The following PIK3C3 variants were observed in gnomAD, a reference collection of about 807,000 sequenced individuals.
The protein encoded by PIK3C3 is phosphatidylinositol 3-kinase catalytic subunit type 3, also known as PI3-kinase type 3.
In PIK3C3, 95 loss-of-function variants were observed where a neutral mutation model predicts 126.1. That is an observed-to-expected ratio of 0.75 (90% CI 0.64 to 0.89). PIK3C3 has a LOEUF of 0.89. PIK3C3 is among the 40% of genes least tolerant of loss of function. The pLI is 0.00. For missense variants in PIK3C3, 829 were observed against 1,063.2 expected (o/e 0.78, Z 3.06); for synonymous variants, 374 against 360.0 (o/e 1.04, Z -0.44).
chr18:42,055,841 G>T (rs1454519521), intron 21 of PIK3C3, among the ~76,000 whole-genome samples: 1 of 148,794 alleles, frequency 6.7e-6, no homozygotes, highest in Non-Finnish European at 1.5e-5. Context: ...CTGTCAAAGA[G>T]AATAGTGTAT....
chr18:42,074,835 T>C (rs534680531), intron 24 of PIK3C3, among the ~76,000 whole-genome samples: 19 of 152,244 alleles, frequency 1.2e-4, no homozygotes, highest in Admixed American at 1.2e-3. Context: ...TTGAAGCTCT[T>C]TACCCTTTCA....
At position 42,037,727 on chromosome 18, in the gene PIK3C3, G is replaced by A. The variant is rs145164124; in HGVS notation, c.1875G>A (p.Thr625=). 1.0e-4 allele frequency: 161 copies of A among 1,611,020 alleles called. No individual in the cohort carries two copies. The African/African-American group carries it at 1.6e-3, about 16-fold the overall frequency. The stretch of plus-strand genomic sequence containing the variant: ...TGCCTGCACAGTTGTTTTTTAAGAC[G>A]GAAGATGGAGGCAAATATCCAGTTA... The part of the protein sequence containing the change: ...ALMPAQLFFK[T]EDGGKYPVIF... Residue 625 remains threonine (T), a synonymous_variant, in exon 17 of 25, where the codon ACG becomes ACA. Transcript: ENST00000262039.
intron 22 of PIK3C3, among the ~76,000 whole-genome samples, chr18:42,060,832 A>G (rs571182094): frequency 1.3e-5 from 2 of 152,256 alleles, no homozygotes; most frequent in South Asian, 2.1e-4. Context: ...AGGTTCTCAT[A>G]TTGTCTCAGA....
intron 3 of PIK3C3, among the ~76,000 whole-genome samples, chr18:41,963,302 T>C (rs1161143079): frequency 6.6e-6 from 1 of 152,210 alleles, no homozygotes; most frequent in African/African-American, 2.4e-5. Context: ...TTTCTTTCCC[T>C]TTACCGATTT....
chr18:42,014,207 CAAAAAAAAAAAAAA>C (rs58086258), intron 11 of PIK3C3, among the ~76,000 whole-genome samples: 1 of 40,996 alleles, frequency 2.4e-5, no homozygotes, highest in African/African-American at 8.9e-5. Flanking sequence ...GACTCCGTCT[CAAAAAAAAAAAAAA>C]AAAAAAAAAA....
At chr18:41,991,554 A>T (rs1981779420) in intron 6 of PIK3C3, among the ~76,000 whole-genome samples, 1 of 152,182 alleles carries the variant, frequency 6.6e-6, no homozygotes, top group South Asian at 2.1e-4. Context: ...CATTAGAAGC[A>T]GTCCTTTTAA....
In PIK3C3 at chr18:42,033,964, G is replaced by T. The variant is rs1441567201; in HGVS notation, c.1839+7G>T. 6.3e-7 allele frequency: 1 copy of T among 1,577,816 alleles called. No individual in the cohort carries two copies. Among genetic ancestry groups the T allele is most frequent in the Admixed American group, 1.9e-5 (1 of 53,132 alleles). On this transcript the variant is annotated splice_region_variant and intron_variant, in intron 16 of 24. Transcript: ENST00000262039. ...AACAGCTACACTGTTTAAAGTAATT[G>T]TGATGGATATTTAATGTGTATGATT...
At chr18:41,976,040 C>T (rs1027334587) in intron 4 of PIK3C3, among the ~76,000 whole-genome samples, 2 of 152,124 alleles carry the variant, frequency 1.3e-5, no homozygotes, top group Non-Finnish European at 2.9e-5. Context: ...TTTAAATTTA[C>T]TTGAATATGC....
chr18:41,990,737 A>G (rs1981734059), intron 6 of PIK3C3, 183 bp downstream of exon 6: 4 of 519,792 alleles, frequency 7.7e-6, no homozygotes, highest in South Asian at 5.6e-5. Flanking sequence ...ACAAAAGCCT[A>G]TCACTCATGT....
rs141826324 is a variant in PIK3C3, at chr18:41,977,847, C to T, written c.531+7391C>T. 6.8e-3 allele frequency among the ~76,000 whole-genome samples: 1,030 copies of T among 152,256 alleles called. 4 individuals are homozygous for T. The highest frequency in any genetic ancestry group is 0.011 in the Non-Finnish European group (781 of 68,020). ...GATGCAGCTATGATGGTAACGAAGT[C>T]TCATTCATTCAGCTCAGGCTTTTGT... On this transcript the variant is annotated intron_variant, in intron 4 of 24. Coordinates refer to ENST00000262039, the MANE Select transcript of PIK3C3 (RefSeq NM_002647.4).
chr18:42,057,824 C>T (rs1305078815), intron 21 of PIK3C3, 59 bp from the exon 22 acceptor site: 3 of 1,455,848 alleles, frequency 2.1e-6, no homozygotes, highest in African/African-American at 1.4e-5. Context: ...TGTGACATAT[C>T]ACCTACCCAG....
intron 14 of PIK3C3, among the ~76,000 whole-genome samples, chr18:42,028,302 A>G (rs1182051869): frequency 6.6e-6 from 1 of 152,168 alleles, no homozygotes; most frequent in African/African-American, 2.4e-5. Flanking sequence ...ATTTCCAGAA[A>G]TCTGGCAATG....
chr18:42,018,359 A>G (rs911732993), intron 12 of PIK3C3, among the ~76,000 whole-genome samples: 1 of 152,116 alleles, frequency 6.6e-6, no homozygotes, highest in African/African-American at 2.4e-5. Flanking sequence ...AAGGCATAGT[A>G]TGAAATGAAA....
chr18:41,962,958 C>CT (rs958601127), intron 3 of PIK3C3, among the ~76,000 whole-genome samples: 1 of 151,926 alleles, frequency 6.6e-6, no homozygotes, highest in Non-Finnish European at 1.5e-5. Context: ...GGTTTATCTG[C>CT]TTTTTTTATA....
At chr18:42,001,979 A>T (rs1486172546) in intron 9 of PIK3C3, among the ~76,000 whole-genome samples, 37 of 152,212 alleles carry the variant, frequency 2.4e-4, no homozygotes, top group Admixed American at 2.3e-3. Flanking sequence ...AGGGAGCATT[A>T]TACTAAATGG....
chr18:42,001,563 T>G (rs1445199782), intron 9 of PIK3C3, among the ~76,000 whole-genome samples: 1 of 152,244 alleles, frequency 6.6e-6, no homozygotes, highest in Admixed American at 6.5e-5. Context: ...TTTGTCTTTC[T>G]TATTCTTTGA....
intron 21 of PIK3C3, among the ~76,000 whole-genome samples, chr18:42,052,554 GAC>G (rs1471555246): frequency 2.0e-5 from 3 of 152,112 alleles, no homozygotes; most frequent in Non-Finnish European, 2.9e-5. Flanking sequence ...TATAAGGAGA[GAC>G]TGAGTATGTC....
intron 21 of PIK3C3, 92 bp from the exon 22 acceptor site, chr18:42,057,791 A>G: frequency 9.0e-7 from 1 of 1,108,124 alleles, no homozygotes; most frequent in Non-Finnish European, 1.3e-6. Context: ...TTCTTTATGA[A>G]GAGACACTGT....
chr18:42,069,147 G>A (rs1985671498), intron 24 of PIK3C3, among the ~76,000 whole-genome samples: 1 of 152,090 alleles, frequency 6.6e-6, no homozygotes, highest in African/African-American at 2.4e-5. Context: ...CAATAAAAAG[G>A]TGTTTTTCCC....
Sources: allele counts gnomAD v4.1 joint callset (sites outside exome capture counted in the v4.1 genomes callset), GRCh38; gene constraint gnomAD v4.1.1; transcripts MANE v1.5; gene names NCBI Gene and HGNC (gene_info 2026-07-23, HGNC 2026-07-21).